The following BRWD3 variants were observed in gnomAD, a reference collection of about 807,000 sequenced individuals.
BRWD3 encodes the protein bromodomain and WD repeat-containing protein 3.
Under a neutral mutation model 149.7 loss-of-function variants are expected in BRWD3, and 10 were observed. The observed-to-expected ratio is 0.07, with a 90% CI of 0.04 to 0.11. The LOEUF (loss-of-function observed/expected upper bound fraction) is 0.11, where lower values mean the gene tolerates loss of function less well. BRWD3 is among the 10% of genes least tolerant of loss of function. The pLI is 1.00. For missense variants in BRWD3, 940 were observed against 1,373.2 expected, an observed-to-expected ratio of 0.68 and a Z score of 4.99; for synonymous variants, 504 against 456.7, an observed-to-expected ratio of 1.10 and a Z score of -1.32.
At chrX:80,728,179 T>C (rs1246240060) in intron 14 of BRWD3, among the ~76,000 whole-genome samples, 1 of 111,544 alleles carries the variant, frequency 9.0e-6, no homozygotes, top group African/African-American at 3.3e-5. Flanking sequence ...AGACAAAAAA[T>C]AAGGTTTTTA....
chrX:80,694,285 A>C (rs1193328070), intron 27 of BRWD3, among the ~76,000 whole-genome samples: 3 of 111,848 alleles, frequency 2.7e-5, no homozygotes, highest in Non-Finnish European at 5.6e-5. Flanking sequence ...GGATGTATGG[A>C]AATGCCTGGA....
chrX:80,808,257 G>C (rs1417146459), intron 4 of BRWD3, among the ~76,000 whole-genome samples: 1 of 109,135 alleles, frequency 9.2e-6, no homozygotes, highest in Non-Finnish European at 1.9e-5. Flanking sequence ...GCCTACAATG[G>C]GCCTTCCCCA....
chrX:80,723,723 T>C (rs761517679), intron 16 of BRWD3, 25 bp downstream of exon 16: 4 of 1,207,752 alleles, frequency 3.3e-6, no homozygotes, highest in Non-Finnish European at 4.5e-6. Flanking sequence ...AATTATACTC[T>C]ACAGCAAAAT....
At chrX:80,701,035 T>A (rs2072779606) in intron 24 of BRWD3, among the ~76,000 whole-genome samples, 1 of 110,756 alleles carries the variant, frequency 9.0e-6, no homozygotes, top group South Asian at 3.8e-4. Flanking sequence ...AATTCTAATA[T>A]TCAGTCTACA....
At chrX:80,804,093 T>C (rs1602457230) in intron 4 of BRWD3, among the ~76,000 whole-genome samples, 1 of 112,644 alleles carries the variant, frequency 8.9e-6, no homozygotes, top group East Asian at 2.8e-4. Context: ...ATAAAATTAC[T>C]TCTAGTATTT....
Position 80,671,007 on chromosome X carries a change from T to C in BRWD3, c.*5602A>G, listed in dbSNP as rs916435658. On this transcript the variant is annotated 3_prime_UTR_variant, in exon 41 of 41. Transcript: ENST00000373275. ...CAAATTCTGGGTAACTATATAGTTA[T>C]GAATGTTCCTGTTAGAGCATTCAGA... is the stretch of plus-strand genomic sequence containing the variant. 1 of 111,344 alleles carries C rather than the reference T, an allele frequency of 9.0e-6. No homozygotes were observed. The highest frequency in any genetic ancestry group is 2.8e-4 in the East Asian group (1 of 3,542). The allele number at this position is 111,344 out of a possible 1,213,427, so 9.2% of individuals were successfully genotyped here.
At chrX:80,761,111 A>T (rs1839521491) in intron 6 of BRWD3, among the ~76,000 whole-genome samples, 1 of 111,687 alleles carries the variant, frequency 9.0e-6, no homozygotes, top group Non-Finnish European at 1.9e-5. Context: ...CCAAAGAAAA[A>T]AAAGACTCAA....
chrX:80,802,269 C>A (rs56405068), intron 4 of BRWD3, among the ~76,000 whole-genome samples: 161 of 108,728 alleles, frequency 1.5e-3, no homozygotes, highest in African/African-American at 5.1e-3. Context: ...CGGTGAAACT[C>A]CACCTCTACT....
chrX:80,798,073 C>T (rs968436953), intron 4 of BRWD3, among the ~76,000 whole-genome samples: 25 of 110,376 alleles, frequency 2.3e-4, no homozygotes, highest in Non-Finnish European at 4.4e-4. Flanking sequence ...CCAGACTAGG[C>T]GACAGAGCGA....
At chrX:80,799,738 A>G (rs1318442180) in intron 4 of BRWD3, among the ~76,000 whole-genome samples, 2 of 100,774 alleles carry the variant, frequency 2.0e-5, no homozygotes, top group African/African-American at 7.2e-5. Flanking sequence ...TGGCAGTATG[A>G]TCCAGTAGAG....
At chrX:80,716,304 T>A (rs1333722634) in intron 19 of BRWD3, 54 bp from the exon 20 acceptor site, 2 of 946,441 alleles carry the variant, frequency 2.1e-6, no homozygotes, top group Admixed American at 4.5e-5. Context: ...AAACCAATCA[T>A]TTAAGAATCA....
chrX:80,736,442 T>C (rs1405566639), intron 8 of BRWD3, among the ~76,000 whole-genome samples: 1 of 111,763 alleles, frequency 8.9e-6, no homozygotes, highest in Non-Finnish European at 1.9e-5. Context: ...GTGCTATATA[T>C]ACACTTATAG....
intron 4 of BRWD3, among the ~76,000 whole-genome samples, chrX:80,805,875 C>T (rs1225715863): frequency 1.8e-5 from 2 of 111,161 alleles, no homozygotes; most frequent in African/African-American, 6.6e-5. Flanking sequence ...GCGGAGGTTG[C>T]AGTGAGCCGA....
chrX:80,719,459 T>C (rs767946824), intron 18 of BRWD3, 30 bp downstream of exon 18: 12 of 1,153,382 alleles, frequency 1.0e-5, no homozygotes, highest in Non-Finnish European at 1.3e-5. Context: ...GTACATAAAC[T>C]ACACCCTTTA....
At chrX:80,689,309 A>G (rs2072579841) in intron 33 of BRWD3, among the ~76,000 whole-genome samples, 2 of 111,743 alleles carry the variant, frequency 1.8e-5, no homozygotes, top group African/African-American at 3.2e-5. Context: ...GAAGAGACTG[A>G]TTTATCTTTA....
chrX:80,697,650 G>T (rs1054596075), intron 25 of BRWD3, among the ~76,000 whole-genome samples: 1 of 111,640 alleles, frequency 9.0e-6, no homozygotes, highest in Non-Finnish European at 1.9e-5. Context: ...TAAAGGCCAT[G>T]ACCTCAATTT....
chrX:80,734,005 T>C lies in BRWD3; in HGVS notation c.1086+113A>G. 7.0e-6 allele frequency: 4 copies of C among 568,385 alleles called. No individual in the cohort carries two copies. In the East Asian group the frequency reaches 1.4e-4, roughly 19 times the overall value. 46.8% of individuals were successfully genotyped at this position (568,385 alleles called of 1,213,427 possible). On this transcript the variant is annotated intron_variant, in intron 11 of 40. Coordinates refer to ENST00000373275, the MANE Select transcript of BRWD3 (RefSeq NM_153252.5). ...TAGTAGTAATGACAAGAGTAAAGTG[T>C]AAGCCAAAATTTGTGATTTGTATAT...
At chrX:80,708,470 A>T (rs1376383398) in intron 21 of BRWD3, among the ~76,000 whole-genome samples, 1 of 79,270 alleles carries the variant, frequency 1.3e-5, no homozygotes, top group African/African-American at 4.9e-5. Context: ...TCAAGATTTC[A>T]TATGGGTGGG....
chrX:80,806,496 C>G (rs1024663612), intron 4 of BRWD3, among the ~76,000 whole-genome samples: 1 of 111,668 alleles, frequency 9.0e-6, no homozygotes, highest in African/African-American at 3.3e-5. Context: ...TTCTGGAGAG[C>G]AAACAATATA....
Sources: allele counts gnomAD v4.1 joint callset (sites outside exome capture counted in the v4.1 genomes callset), GRCh38; gene constraint gnomAD v4.1.1; transcripts MANE v1.5; gene names NCBI Gene and HGNC (gene_info 2026-07-23, HGNC 2026-07-21).